NFKB1: variants seen among roughly 807,000 people sequenced by gnomAD.
NFKB1 encodes the protein nuclear factor NF-kappa-B p105 subunit.
NFKB1 carries 9 observed loss-of-function variants against 105.1 expected under a neutral mutation model. That is an observed-to-expected ratio of 0.09 (90% CI 0.05 to 0.15). NFKB1 has a LOEUF of 0.15. Ranked by LOEUF, NFKB1 falls within the 10% of genes least tolerant of loss-of-function variation. The probability of loss-of-function intolerance (pLI) is 1.00; values close to 1 mark genes in which losing one functional copy is unlikely to be tolerated. For missense variants in NFKB1, 830 were observed against 1,203.7 expected (o/e 0.69, Z 4.59); for synonymous variants, 440 against 442.2 (o/e 1.00, Z 0.06).
At chr4:102,552,856 C>G (rs1209478062) in intron 5 of NFKB1, among the ~76,000 whole-genome samples, 2 of 152,074 alleles carry the variant, frequency 1.3e-5, no homozygotes, top group Non-Finnish European at 2.9e-5. Context: ...GTGTTTCCCC[C>G]CTTCCTACTT....
intron 12 of NFKB1, 109 bp downstream of exon 12, chr4:102,593,677 G>C (rs1726366181): frequency 9.9e-7 from 1 of 1,008,524 alleles, no homozygotes; most frequent in East Asian, 2.9e-5. Flanking sequence ...TGATATTATT[G>C]AGTATATTAA....
chr4:102,542,736 C>G (rs1256578857), intron 5 of NFKB1, among the ~76,000 whole-genome samples: 2 of 152,198 alleles, frequency 1.3e-5, no homozygotes, highest in African/African-American at 4.8e-5. Context: ...TAGGATGGCT[C>G]CTTTTCAGGG....
chr4:102,511,577 G>A (rs996117456), intron 1 of NFKB1, among the ~76,000 whole-genome samples: 3 of 152,250 alleles, frequency 2.0e-5, no homozygotes, highest in East Asian at 1.9e-4. Context: ...TCAGGAGGCC[G>A]AGGTAGGAGG....
At chr4:102,598,952 G>A (rs567299288) in intron 15 of NFKB1, among the ~76,000 whole-genome samples, 1 of 152,324 alleles carries the variant, frequency 6.6e-6, no homozygotes, top group East Asian at 1.9e-4. Flanking sequence ...ATCCTCATAA[G>A]AGCATAGGTA....
intron 5 of NFKB1, among the ~76,000 whole-genome samples, chr4:102,552,766 TA>T (rs1162690063): frequency 6.6e-6 from 1 of 152,190 alleles, no homozygotes; most frequent in African/African-American, 2.4e-5. Context: ...AGTTAAGACA[TA>T]AAAGGGTTTT....
At chr4:102,592,426 T>C (rs1726251464) in intron 11 of NFKB1, among the ~76,000 whole-genome samples, 1 of 152,138 alleles carries the variant, frequency 6.6e-6, no homozygotes, top group South Asian at 2.1e-4. Context: ...CACCCAGCCT[T>C]CAGTAGCCAC....
chr4:102,555,156 A>T (rs1231492687), intron 5 of NFKB1, among the ~76,000 whole-genome samples: 1 of 152,122 alleles, frequency 6.6e-6, no homozygotes, highest in African/African-American at 2.4e-5. Flanking sequence ...GATCCCTCAG[A>T]GTTAGATTAG....
chr4:102,590,029 G>A (rs1726041347), intron 11 of NFKB1, among the ~76,000 whole-genome samples: 1 of 152,198 alleles, frequency 6.6e-6, no homozygotes, highest in African/African-American at 2.4e-5. Flanking sequence ...CTGTATTGTA[G>A]TCAAATAGTG....
At chr4:102,606,102 T>C (rs1727695934) in intron 16 of NFKB1, among the ~76,000 whole-genome samples, 1 of 152,194 alleles carries the variant, frequency 6.6e-6, no homozygotes, top group Non-Finnish European at 1.5e-5. Context: ...GACTTGTAAA[T>C]ATGAAAATAA....
At chr4:102,582,735 C>A in intron 9 of NFKB1, 131 bp from the exon 10 acceptor site, 2 of 523,542 alleles carry the variant, frequency 3.8e-6, no homozygotes. Flanking sequence ...AAAGACTGAA[C>A]CTTTTGATCT....
At chr4:102,593,885 C>T (rs1726384343) in intron 12 of NFKB1, among the ~76,000 whole-genome samples, 1 of 152,034 alleles carries the variant, frequency 6.6e-6, no homozygotes, top group South Asian at 2.1e-4. Context: ...TGTTTGGAAA[C>T]ATTGAAAAGA....
chr4:102,545,663 T>C (rs1173572083), intron 5 of NFKB1, among the ~76,000 whole-genome samples: 1 of 152,088 alleles, frequency 6.6e-6, no homozygotes, highest in East Asian at 1.9e-4. Flanking sequence ...AAATCTATGG[T>C]TCACAATCAT....
chr4:102,520,585 G>A (rs78900265), intron 1 of NFKB1, among the ~76,000 whole-genome samples: 6,826 of 152,192 alleles, frequency 0.045, 231 homozygotes, highest in South Asian at 0.098. Flanking sequence ...GGAAGTGGAA[G>A]GAGGAGCTTT....
chr4:102,567,245 A>T, intron 6 of NFKB1, 110 bp downstream of exon 6: 1 of 1,155,386 alleles, frequency 8.7e-7, no homozygotes, highest in South Asian at 1.5e-5. Flanking sequence ...AGACCCTCAG[A>T]TGACCTCAAA....
chr4:102,534,156 A>G (rs1578731487), intron 4 of NFKB1, among the ~76,000 whole-genome samples: 1 of 152,230 alleles, frequency 6.6e-6, no homozygotes. Context: ...TGCTGTCTCT[A>G]CCAGCTTAAC....
intron 23 of NFKB1, 110 bp from the exon 24 acceptor site, chr4:102,616,324 T>G: frequency 1.7e-6 from 2 of 1,150,562 alleles, no homozygotes. Context: ...GTGGCATAGG[T>G]GGGATGTGTG....
intron 11 of NFKB1, among the ~76,000 whole-genome samples, chr4:102,588,657 T>C (rs1328812713): frequency 6.6e-6 from 1 of 152,152 alleles, no homozygotes; most frequent in Non-Finnish European, 1.5e-5. Flanking sequence ...TTATCCATAT[T>C]TGTGAATTGA....
chr4:102,531,597 T>G (rs1741295127), intron 3 of NFKB1, among the ~76,000 whole-genome samples: 1 of 152,192 alleles, frequency 6.6e-6, no homozygotes, highest in South Asian at 2.1e-4. Flanking sequence ...GGTCTAAAGT[T>G]AAATTTCTCT....
Position 102,597,694 on chromosome 4 carries a change from T to C in NFKB1, c.1637+33T>C, listed in dbSNP as rs745477811. On this transcript the variant is annotated intron_variant, in intron 15 of 23. Coordinates refer to ENST00000226574, the MANE Select transcript of NFKB1 (RefSeq NM_003998.4). The stretch of plus-strand genomic sequence containing the variant: ...AGAACTTTTGCATGATAGGTTGTCC[T>C]GGGTGGGGAAGAAGAAGAGCATCGT... 9 of 1,594,194 alleles carry C rather than the reference T, an allele frequency of 5.6e-6. No individual in the cohort carries two copies. The African/African-American group carries it at 8.0e-5, about 14-fold the overall frequency.
Sources: gnomAD v4.1 joint callset for allele counts (sites outside exome capture counted in the v4.1 genomes callset) on GRCh38, gnomAD v4.1.1 for gene constraint, MANE v1.5 for transcripts, NCBI Gene and HGNC (gene_info 2026-07-23, HGNC 2026-07-21) for gene names.